USP12: variants seen among roughly 807,000 people sequenced by gnomAD.
USP12 encodes ubiquitin specific peptidase 12.
USP12 carries 19 observed loss-of-function variants against 45.5 expected under a neutral mutation model. The ratio of observed to expected loss-of-function variants is 0.42; its 90% CI spans 0.29 to 0.61. The LOEUF (loss-of-function observed/expected upper bound fraction) is 0.61, where lower values mean the gene tolerates loss of function less well. Among genes scored for constraint, USP12 ranks in the 20% least tolerant of loss-of-function variants. USP12 has a pLI of 0.22. For synonymous variants in USP12, 149 were observed against 148.8 expected (o/e 1.00, Z -0.01); for missense variants, 242 against 447.7 (o/e 0.54, Z 4.15).
In USP12 at chr13:27,069,333, A is replaced by T. The variant is rs1873131034; in HGVS notation, c.1063T>A (p.Ser355Thr). 1 of 1,612,526 alleles carries T rather than the reference A, an allele frequency of 6.2e-7. No individual in the cohort carries two copies. Among genetic ancestry groups the T allele is most frequent in the Non-Finnish European group, 8.5e-7 (1 of 1,179,848 alleles). ...EEFYGLTSDISKNSESGYILF... is the reference protein window; with the variant it reads ...EEFYGLTSDITKNSESGYILF... ...ATGTAACCAGACTCAGAGTTCTTTG[A>T]GATATCTGATGTCAACCCGTAGAAT... The change falls in exon 9 of 9, where the codon TCA becomes ACA. Residue 355 changes from serine to threonine, a missense_variant. Transcript: ENST00000282344.
intron 4 of USP12, among the ~76,000 whole-genome samples, chr13:27,090,642 T>C (rs1297630334): frequency 6.6e-6 from 1 of 152,228 alleles, no homozygotes; most frequent in Non-Finnish European, 1.5e-5. Context: ...GTTTGATTTA[T>C]GGGTAAATAA....
At chr13:27,139,632 A>G (rs1960195) in intron 1 of USP12, among the ~76,000 whole-genome samples, 120,367 of 152,062 alleles carry the variant, frequency 0.79, 50,589 homozygotes, top group South Asian at 0.96. Context: ...ATAAAAATAT[A>G]GTCACTCTTG....
chr13:27,082,739 A>C (rs1484062612), intron 6 of USP12, among the ~76,000 whole-genome samples: 2 of 152,176 alleles, frequency 1.3e-5, no homozygotes, highest in Non-Finnish European at 2.9e-5. Context: ...TAATTTCAAT[A>C]TTGTTGTGTC....
intron 1 of USP12, among the ~76,000 whole-genome samples, chr13:27,170,975 G>A (rs898281235): frequency 6.6e-6 from 1 of 152,160 alleles, no homozygotes; most frequent in Non-Finnish European, 1.5e-5. Flanking sequence ...GCGCGGGGTC[G>A]GGGACTCGGC....
chr13:27,105,953 G>GA lies in USP12; in HGVS notation c.130-10dup, dbSNP rs762102296. 2,595 of 1,454,884 alleles carry GA rather than the reference G, an allele frequency of 1.8e-3. No homozygotes were observed. The highest frequency in any genetic ancestry group is 2.9e-3 in the Admixed American group (137 of 46,964). The allele number at this position is 1,454,884 out of a possible 1,614,324, so 90.1% of individuals were successfully genotyped here. A position where few individuals can be genotyped will look rare whatever the true frequency, so the allele number is the denominator to read the frequency against. On this transcript the variant is annotated splice_polypyrimidine_tract_variant and intron_variant, in intron 2 of 8. Transcript: ENST00000282344. ...TAGCAGGTATTCCCAAACTGCAACAGAAAAAAAAAAGTTTTGTTAAATTTA... is the reference window on the plus strand; with the variant it reads ...TAGCAGGTATTCCCAAACTGCAACAGAAAAAAAAAAAGTTTTGTTAAATTTA...
Position 27,171,548 on chromosome 13 carries a change from C to T in USP12, c.48+44G>A, listed in dbSNP as rs780003702. 5.9e-6 allele frequency: 7 copies of T among 1,186,524 alleles called. No homozygotes were observed. In the Admixed American group the frequency reaches 1.9e-4, roughly 33 times the overall value. 73.5% of individuals were successfully genotyped at this position (1,186,524 alleles called of 1,614,324 possible). A position where few individuals can be genotyped will look rare whatever the true frequency, so the allele number is the denominator to read the frequency against. ...GCGGGTCCAGCGCCGCCCGCCCGCCCGAGAGGTCCCGGCAGCCCCGGCCGC... is the reference window on the plus strand; with the variant it reads ...GCGGGTCCAGCGCCGCCCGCCCGCCTGAGAGGTCCCGGCAGCCCCGGCCGC... On this transcript the variant is annotated intron_variant, in intron 1 of 8. Transcript: ENST00000282344.
chr13:27,116,663 C>T, intron 1 of USP12, 67 bp from the exon 2 acceptor site: 2 of 1,462,130 alleles, frequency 1.4e-6, no homozygotes, highest in Non-Finnish European at 1.9e-6. Context: ...ACACTTCAGT[C>T]AATGACAGGC....
intron 1 of USP12, among the ~76,000 whole-genome samples, chr13:27,156,447 G>T (rs1877848739): frequency 6.6e-6 from 1 of 152,212 alleles, no homozygotes; most frequent in Non-Finnish European, 1.5e-5. Flanking sequence ...ACGCAACGAT[G>T]ATCATTATGG....
chr13:27,070,679 G>A (rs529296939), intron 8 of USP12, among the ~76,000 whole-genome samples: 2 of 151,678 alleles, frequency 1.3e-5, no homozygotes, highest in South Asian at 2.1e-4. Context: ...TCAGCCTCCC[G>A]AGTAGCTGGG....
intron 6 of USP12, among the ~76,000 whole-genome samples, chr13:27,081,085 C>G (rs988823241): frequency 1.6e-4 from 23 of 144,736 alleles, no homozygotes; most frequent in African/African-American, 5.9e-4. Flanking sequence ...GCGATCTTGG[C>G]TCACTGCAAG....
chr13:27,130,748 G>A (rs1299539339), intron 1 of USP12, among the ~76,000 whole-genome samples: 2 of 152,138 alleles, frequency 1.3e-5, no homozygotes, highest in Non-Finnish European at 2.9e-5. Context: ...GACTAACGTG[G>A]TTTTTTCAGT....
At chr13:27,119,812 C>G (rs1185513735) in intron 1 of USP12, among the ~76,000 whole-genome samples, 1 of 152,198 alleles carries the variant, frequency 6.6e-6, no homozygotes, top group African/African-American at 2.4e-5. Flanking sequence ...GAAAGAAGAG[C>G]ACTCACCTTA....
chr13:27,090,588 T>C (rs938219670), intron 4 of USP12, among the ~76,000 whole-genome samples: 1 of 152,220 alleles, frequency 6.6e-6, no homozygotes, highest in Non-Finnish European at 1.5e-5. Context: ...CATTCTTCAT[T>C]TGTGACTGAC....
At chr13:27,078,188 T>A (rs904193061) in intron 6 of USP12, among the ~76,000 whole-genome samples, 1 of 152,000 alleles carries the variant, frequency 6.6e-6, no homozygotes, top group African/African-American at 2.4e-5. Context: ...CAACCAGCCA[T>A]GAATTGAAAA....
Position 27,171,768 on chromosome 13 carries a change from C to T in USP12, c.-129G>A. Reference sequence around the variant, plus strand: ...CCGCCGCGGACCCAACCACCGAGCCCGCTGGGCCGCCGCTGCCGTCGTCGC... The same window carrying T: ...CCGCCGCGGACCCAACCACCGAGCCTGCTGGGCCGCCGCTGCCGTCGTCGC... On this transcript the variant is annotated 5_prime_UTR_variant, in exon 1 of 9. Coordinates refer to ENST00000282344, the MANE Select transcript of USP12 (RefSeq NM_182488.4). The T allele has an allele frequency of 7.6e-6, 3 of 395,112 alleles. No homozygotes were observed. The highest frequency in any genetic ancestry group is 1.1e-5 in the Non-Finnish European group (3 of 285,122). 24.5% of individuals were successfully genotyped at this position (395,112 alleles called of 1,614,324 possible).
At chr13:27,170,984 G>A (rs1169677041) in intron 1 of USP12, among the ~76,000 whole-genome samples, 1 of 152,170 alleles carries the variant, frequency 6.6e-6, no homozygotes, top group Non-Finnish European at 1.5e-5. Context: ...CGGGGACTCG[G>A]CCCAGCCAGC....
intron 1 of USP12, among the ~76,000 whole-genome samples, chr13:27,131,588 A>G (rs932620176): frequency 2.0e-5 from 3 of 152,216 alleles, no homozygotes; most frequent in Admixed American, 6.5e-5. Context: ...ATGTAAATGG[A>G]AAAGAGACCA....
intron 1 of USP12, among the ~76,000 whole-genome samples, chr13:27,120,445 G>C (rs910459919): frequency 2.0e-5 from 3 of 152,086 alleles, no homozygotes; most frequent in Non-Finnish European, 4.4e-5. Context: ...CTAAGATCAG[G>C]AGTTCGAGAC....
chr13:27,108,884 T>C (rs1035254648), intron 2 of USP12, among the ~76,000 whole-genome samples: 3 of 152,150 alleles, frequency 2.0e-5, no homozygotes, highest in Non-Finnish European at 2.9e-5. Context: ...GAGGTTGCAG[T>C]GAGCCAAGAT....
Sources: gnomAD v4.1 joint callset for allele counts (sites outside exome capture counted in the v4.1 genomes callset) on GRCh38, gnomAD v4.1.1 for gene constraint, MANE v1.5 for transcripts, NCBI Gene and HGNC (gene_info 2026-07-23, HGNC 2026-07-21) for gene names.